Variants in CLIC4 observed in about 807,000 individuals in gnomAD.
The protein encoded by CLIC4 is chloride intracellular channel protein 4.
Under a neutral mutation model 24.6 loss-of-function variants are expected in CLIC4, and 13 were observed. That is an observed-to-expected ratio of 0.53 (90% CI 0.34 to 0.84). The LOEUF is 0.84. Among genes scored for constraint, CLIC4 ranks in the 40% least tolerant of loss-of-function variants. The pLI is 0.01. For synonymous variants in CLIC4, 104 were observed against 111.3 expected (o/e 0.93, Z 0.41); for missense variants, 227 against 301.7 (o/e 0.75, Z 1.83).
At chr1:24,757,624 A>G (rs1246502860) in intron 1 of CLIC4, among the ~76,000 whole-genome samples, 1 of 152,220 alleles carries the variant, frequency 6.6e-6, no homozygotes, top group Non-Finnish European at 1.5e-5. Context: ...TACCTAGGAA[A>G]ACAGAAAAAG....
intron 1 of CLIC4, among the ~76,000 whole-genome samples, chr1:24,759,098 GT>G (rs1638888910): frequency 6.6e-6 from 1 of 152,184 alleles, no homozygotes; most frequent in African/African-American, 2.4e-5. Flanking sequence ...TGATTAAATG[GT>G]TTGAAGGTAG....
rs553896571 is a variant in CLIC4 at position 24,758,225 on chromosome 1, G to A, written c.72+12600G>A. ...ATATGTATTTACTCTAGACAACTTAGAAAACAATAGAAAAGCATAAATAAA... is the reference window on the plus strand; with the variant it reads ...ATATGTATTTACTCTAGACAACTTAAAAAACAATAGAAAAGCATAAATAAA... On this transcript the variant is annotated intron_variant, in intron 1 of 5. Coordinates refer to ENST00000374379, the MANE Select transcript of CLIC4 (RefSeq NM_013943.3). Among the ~76,000 whole-genome samples the A allele has an allele frequency of 2.0e-5, 3 of 151,488 alleles. No individual in the cohort carries two copies. In the East Asian group the frequency reaches 5.8e-4, roughly 29 times the overall value.
chr1:24,805,095 AAAAAAAAAAAC>A (rs1557807912), intron 2 of CLIC4, among the ~76,000 whole-genome samples: 1 of 142,370 alleles, frequency 7.0e-6, no homozygotes, highest in East Asian at 2.0e-4. Context: ...TCAAAAAAAA[AAAAAAAAAAAC>A]ACAAAAACAA....
At position 24,838,141 on chromosome 1, in the gene CLIC4, A is replaced by G. The variant is rs1413177433; in HGVS notation, c.416-1719A>G. Among the ~76,000 whole-genome samples the G allele has an allele frequency of 3.3e-5, 5 of 152,080 alleles. No homozygotes were observed. The East Asian group carries it at 9.7e-4, about 29-fold the overall frequency. The stretch of plus-strand genomic sequence containing the variant: ...GGCTCAGTAAATGACACCAGCATTC[A>G]CCCTGGGAGTCTTTAGTTTGTTGAC... On this transcript the variant is annotated intron_variant, in intron 4 of 5. Transcript: ENST00000374379.
chr1:24,788,183 TC>T (rs1003014703), intron 1 of CLIC4, among the ~76,000 whole-genome samples: 5 of 152,162 alleles, frequency 3.3e-5, no homozygotes, highest in African/African-American at 9.6e-5. Flanking sequence ...AAATGGGGTT[TC>T]GCTATATGTT....
At chr1:24,780,634 T>G (rs1367692318) in intron 1 of CLIC4, among the ~76,000 whole-genome samples, 1 of 152,236 alleles carries the variant, frequency 6.6e-6, no homozygotes, top group Non-Finnish European at 1.5e-5. Context: ...CAAATCATGA[T>G]TAATTGTTAA....
In CLIC4 at chr1:24,840,910, T is replaced by TA. The variant is rs1173448561; in HGVS notation, c.735_736insA (p.Asp246ArgfsTer14). On this transcript the variant is annotated frameshift_variant, in exon 6 of 6. Transcript: ENST00000374379. LOFTEE classifies it high-confidence loss of function. ...ATAAGGAGGTTGAAATAGCATATAGTGATGTAGCCAAAAGACTCACCAAGT... is the reference window on the plus strand; with the variant it reads ...ATAAGGAGGTTGAAATAGCATATAGTAGATGTAGCCAAAAGACTCACCAAGT... The TA allele has an allele frequency of 6.3e-7, 1 of 1,599,522 alleles. No homozygotes were observed. The highest frequency in any genetic ancestry group is 8.5e-7 in the Non-Finnish European group (1 of 1,174,022).
rs547851261 is a variant in CLIC4, at chr1:24,755,364, G to A, written c.72+9739G>A. ...TGAGGCAGGAGAATCTCTTGAACCC[G>A]GGAGGCGGAGGTTGCAGTGAGCTAA... On this transcript the variant is annotated intron_variant, in intron 1 of 5. Coordinates refer to ENST00000374379, the MANE Select transcript of CLIC4 (RefSeq NM_013943.3). Among the ~76,000 whole-genome samples the A allele has an allele frequency of 2.2e-4, 33 of 151,580 alleles. No individual in the cohort carries two copies. The East Asian group carries it at 4.5e-3, about 21-fold the overall frequency.
chr1:24,838,161 G>C (rs1639904448), intron 4 of CLIC4, among the ~76,000 whole-genome samples: 1 of 152,056 alleles, frequency 6.6e-6, no homozygotes, highest in South Asian at 2.1e-4. Flanking sequence ...TCTTTAGTTT[G>C]TTGACCAGCT....
At position 24,842,422 on chromosome 1, in the gene CLIC4, G is replaced by C. The variant is rs139150152; in HGVS notation, c.*1485G>C. 3.9e-5 allele frequency: 6 copies of C among 152,200 alleles called. No individual in the cohort carries two copies. The highest frequency in any genetic ancestry group is 4.2e-4 in the South Asian group (2 of 4,818). The allele number at this position is 152,200 out of a possible 1,614,324, so 9.4% of individuals were successfully genotyped here. A position where few individuals can be genotyped will look rare whatever the true frequency, so the allele number is the denominator to read the frequency against. ...AATTTTTTTATACCTAATTTGTATA[G>C]GAAGTGCTATTTCTCATAGGCTGTT... On this transcript the variant is annotated 3_prime_UTR_variant, in exon 6 of 6. Transcript: ENST00000374379.
chr1:24,750,052 T>A (rs1456960498), intron 1 of CLIC4, among the ~76,000 whole-genome samples: 1 of 152,192 alleles, frequency 6.6e-6, no homozygotes, highest in African/African-American at 2.4e-5. Context: ...GCCACTGCAC[T>A]CCAGCTTGGG....
intron 1 of CLIC4, among the ~76,000 whole-genome samples, chr1:24,758,285 G>A (rs995951727): frequency 6.6e-6 from 1 of 151,116 alleles, no homozygotes; most frequent in Non-Finnish European, 1.5e-5. Flanking sequence ...ACTAGAGATA[G>A]TTGTTGCTAT....
intron 4 of CLIC4, among the ~76,000 whole-genome samples, chr1:24,838,521 G>C (rs1639908135): frequency 6.6e-6 from 1 of 152,144 alleles, no homozygotes; most frequent in South Asian, 2.1e-4. Context: ...TACATTGCTG[G>C]TAAAATATCT....
At chr1:24,760,105 C>T (rs1357778897) in intron 1 of CLIC4, among the ~76,000 whole-genome samples, 2 of 152,068 alleles carry the variant, frequency 1.3e-5, no homozygotes, top group Admixed American at 6.6e-5. Context: ...GTGGTTCATG[C>T]CTGTAATCCC....
intron 1 of CLIC4, among the ~76,000 whole-genome samples, chr1:24,780,421 A>G (rs988679506): frequency 6.6e-6 from 1 of 152,210 alleles, no homozygotes; most frequent in African/African-American, 2.4e-5. Flanking sequence ...ATAAAATTCA[A>G]ACACTTAATT....
chr1:24,830,435 G>C (rs1032215352), intron 4 of CLIC4, among the ~76,000 whole-genome samples: 5 of 151,388 alleles, frequency 3.3e-5, no homozygotes, highest in South Asian at 2.1e-4. Flanking sequence ...CATGTTGATA[G>C]ACATCTAGAT....
intron 1 of CLIC4, among the ~76,000 whole-genome samples, chr1:24,789,283 C>T (rs997109027): frequency 2.6e-5 from 4 of 152,152 alleles, no homozygotes; most frequent in East Asian, 1.9e-4. Context: ...TTTGGGAGAC[C>T]GAGGTGGGCG....
intron 4 of CLIC4, among the ~76,000 whole-genome samples, chr1:24,838,197 G>C (rs2124177829): frequency 6.6e-6 from 1 of 152,190 alleles, no homozygotes; most frequent in East Asian, 1.9e-4. Flanking sequence ...CTGTCCCCAA[G>C]ATCTAAACTC....
intron 1 of CLIC4, among the ~76,000 whole-genome samples, chr1:24,759,829 C>T (rs1487773324): frequency 2.6e-5 from 4 of 152,010 alleles, no homozygotes; most frequent in Admixed American, 1.3e-4. Context: ...TGGCACGTGC[C>T]TGTATTCCCA....
Sources: gnomAD v4.1 joint callset for allele counts (sites outside exome capture counted in the v4.1 genomes callset) on GRCh38, gnomAD v4.1.1 for gene constraint, MANE v1.5 for transcripts, NCBI Gene and HGNC (gene_info 2026-07-23, HGNC 2026-07-21) for gene names.